Variants in LZTS1 observed in about 807,000 individuals in gnomAD.
LZTS1 encodes the protein leucine zipper putative tumor suppressor 1.
LZTS1 carries 31 observed loss-of-function variants against 45.8 expected under a neutral mutation model. That is an observed-to-expected ratio of 0.68 (90% CI 0.51 to 0.91). The LOEUF is 0.91. Among genes scored for constraint, LZTS1 ranks in the 40% least tolerant of loss-of-function variants. LZTS1 has a pLI of 0.00. For missense variants in LZTS1, 821 were observed against 788.9 expected (o/e 1.04, Z -0.49); for synonymous variants, 359 against 357.3 (o/e 1.00, Z -0.05).
chr8:20,251,098 A>AATATATATATATATATATATAT (rs527759585), intron 3 of LZTS1, among the ~76,000 whole-genome samples: 1 of 41,400 alleles, frequency 2.4e-5, no homozygotes, highest in Non-Finnish European at 5.7e-5. Context: ...CCTGAGGGCT[A>AATATATATATATATATATATAT]ATATATATAT....
chr8:20,253,866 C>T (rs1800018235), intron 2 of LZTS1, among the ~76,000 whole-genome samples: 1 of 152,152 alleles, frequency 6.6e-6, no homozygotes, highest in Admixed American at 6.5e-5. Context: ...TGATAAATAC[C>T]ATCTTGAGGC....
chr8:20,273,821 A>C (rs1800523222), intron 1 of LZTS1, among the ~76,000 whole-genome samples: 1 of 151,900 alleles, frequency 6.6e-6, no homozygotes, highest in Non-Finnish European at 1.5e-5. Flanking sequence ...CTATTGCCCC[A>C]AAAATAAAGC....
At chr8:20,269,506 G>T (rs1326387499) in intron 1 of LZTS1, among the ~76,000 whole-genome samples, 1 of 152,230 alleles carries the variant, frequency 6.6e-6, no homozygotes. Context: ...CCAGGTCTGA[G>T]TCTGAGTGAT....
rs1181424658 is a variant in LZTS1 at position 20,249,898 on chromosome 8, CCTT to C, written c.1612_1614del (p.Lys538del). 3 of 1,614,066 alleles carry C rather than the reference CCTT, an allele frequency of 1.9e-6. No homozygotes were observed. The highest frequency in any genetic ancestry group is 2.5e-6 in the Non-Finnish European group (3 of 1,180,038). On this transcript the variant is annotated inframe_deletion, in exon 4 of 4. Coordinates refer to ENST00000381569, the MANE Select transcript of LZTS1 (RefSeq NM_021020.5). Reference sequence around the variant, plus strand: ...TGCAGCTGTTTCTGGTACTGAATCACCTTCTCCTTCTCCTCCTTCCACACGAGC... The same window carrying C: ...TGCAGCTGTTTCTGGTACTGAATCACCTCCTTCTCCTCCTTCCACACGAGC...
intron 1 of LZTS1, among the ~76,000 whole-genome samples, chr8:20,295,171 T>C (rs972216739): frequency 1.3e-5 from 2 of 151,820 alleles, no homozygotes; most frequent in African/African-American, 2.4e-5. Context: ...TGAGAACCGA[T>C]TCTGCTTCCT....
chr8:20,300,458 A>C (rs1423951217), intron 1 of LZTS1, among the ~76,000 whole-genome samples: 1 of 151,730 alleles, frequency 6.6e-6, no homozygotes, highest in African/African-American at 2.4e-5. Flanking sequence ...TCAGCCTCCC[A>C]AGTAGCTGGG....
At chr8:20,297,318 A>C (rs1296116510) in intron 1 of LZTS1, among the ~76,000 whole-genome samples, 1 of 152,206 alleles carries the variant, frequency 6.6e-6, no homozygotes, top group Non-Finnish European at 1.5e-5. Flanking sequence ...ACAAGCTATA[A>C]AGAAAGAACT....
rs756718185 is a variant in LZTS1, at chr8:20,255,096, G to A, written c.86C>T (p.Ser29Phe). The A allele has an allele frequency of 1.9e-6, 3 of 1,614,208 alleles. No homozygotes were observed. The highest frequency in any genetic ancestry group is 2.5e-6 in the Non-Finnish European group (3 of 1,180,048). ...RASQYKLRKS[S>F]HLKKLNRYSD... ...ATACCGGTTGAGCTTCTTGAGGTGG[G>A]AGGACTTGCGCAGCTTGTACTGCGA... The change falls in exon 2 of 4, where the codon TCC becomes TTC. Residue 29 changes from serine (S) to phenylalanine (F), a missense_variant. Ser to Phe is a radical substitution (Grantham distance 155). Transcript: ENST00000381569.
chr8:20,288,876 T>C (rs971427359), intron 1 of LZTS1, among the ~76,000 whole-genome samples: 15 of 152,148 alleles, frequency 9.9e-5, no homozygotes, highest in Non-Finnish European at 4.4e-5. Flanking sequence ...CATTTCCTTG[T>C]CTGTAAACTG....
chr8:20,266,778 GT>G (rs1419356496), intron 1 of LZTS1, among the ~76,000 whole-genome samples: 1 of 152,176 alleles, frequency 6.6e-6, no homozygotes, highest in Non-Finnish European at 1.5e-5. Flanking sequence ...CATGTGAGCG[GT>G]TTTTAATTTT....
At chr8:20,277,449 C>G (rs967460518) in intron 1 of LZTS1, among the ~76,000 whole-genome samples, 1 of 152,156 alleles carries the variant, frequency 6.6e-6, no homozygotes, top group Admixed American at 6.5e-5. Flanking sequence ...AGTAGCCATT[C>G]TTTTGTTTTG....
Position 20,280,231 on chromosome 8 carries a change from A to G in LZTS1, c.-135+23509T>C, listed in dbSNP as rs147696413. ...CCTGATCTTCTTAGAGTAGCCCACA[A>G]TAAGGGTGCACCCTTCCTTCTGCTT... On this transcript the variant is annotated intron_variant, in intron 1 of 3. Coordinates refer to ENST00000381569, the MANE Select transcript of LZTS1 (RefSeq NM_021020.5). Among the ~76,000 whole-genome samples the G allele has an allele frequency of 1.8e-4, 27 of 152,252 alleles. 1 individual carries two copies. Among genetic ancestry groups the G allele is most frequent in the Admixed American group, 1.0e-3 (16 of 15,296 alleles).
At chr8:20,300,401 C>T (rs1019382526) in intron 1 of LZTS1, among the ~76,000 whole-genome samples, 6 of 151,898 alleles carry the variant, frequency 4.0e-5, no homozygotes, top group Non-Finnish European at 8.8e-5. Context: ...GATGTGATCT[C>T]GGCTCACTGC....
At chr8:20,270,056 A>G (rs1001792924) in intron 1 of LZTS1, among the ~76,000 whole-genome samples, 5 of 152,252 alleles carry the variant, frequency 3.3e-5, no homozygotes, top group Admixed American at 6.5e-5. Context: ...TGAGTGGGCA[A>G]GACCAGGCGT....
At chr8:20,295,071 C>T (rs1228593810) in intron 1 of LZTS1, among the ~76,000 whole-genome samples, 1 of 152,104 alleles carries the variant, frequency 6.6e-6, no homozygotes, top group Non-Finnish European at 1.5e-5. Flanking sequence ...TAACCTCTCC[C>T]TGGGTGCCCA....
intron 1 of LZTS1, among the ~76,000 whole-genome samples, chr8:20,277,605 G>C (rs1317531611): frequency 6.6e-6 from 1 of 152,200 alleles, no homozygotes; most frequent in East Asian, 1.9e-4. Context: ...ACCAAGAAAT[G>C]GTTTAAGAAC....
In LZTS1 at chr8:20,267,139, A is replaced by G. The variant is rs190724967; in HGVS notation, c.-134-11824T>C. Among the ~76,000 whole-genome samples the G allele has an allele frequency of 1.4e-3, 213 of 149,790 alleles. 3 individuals carry two copies. The highest frequency in any genetic ancestry group is 4.8e-3 in the African/African-American group (197 of 41,130). Reference sequence around the variant, plus strand: ...AAAAAAAAAGAAAAGAAAAAAAAAGAAAACAGCTACTCTCTTATCCGCCTC... The same window carrying G: ...AAAAAAAAAGAAAAGAAAAAAAAAGGAAACAGCTACTCTCTTATCCGCCTC... On this transcript the variant is annotated intron_variant, in intron 1 of 3. Transcript: ENST00000381569.
At chr8:20,295,460 G>A (rs911319660) in intron 1 of LZTS1, among the ~76,000 whole-genome samples, 2 of 152,186 alleles carry the variant, frequency 1.3e-5, no homozygotes, top group Admixed American at 6.5e-5. Context: ...GTGGCACAGA[G>A]AGATCTGAAG....
chr8:20,272,587 A>G (rs1800494887), intron 1 of LZTS1, among the ~76,000 whole-genome samples: 2 of 152,168 alleles, frequency 1.3e-5, no homozygotes, highest in Admixed American at 1.3e-4. Context: ...CTCAAATCTT[A>G]TCAGTCCTTT....
Sources: gnomAD v4.1 joint callset for allele counts (sites outside exome capture counted in the v4.1 genomes callset) on GRCh38, gnomAD v4.1.1 for gene constraint, MANE v1.5 for transcripts, NCBI Gene and HGNC (gene_info 2026-07-23, HGNC 2026-07-21) for gene names.